The following PDXP variants were observed in gnomAD, a reference collection of about 807,000 sequenced individuals.
PDXP encodes chronophin.
PDXP carries 15 observed loss-of-function variants against 14.4 expected under a neutral mutation model. The ratio of observed to expected loss-of-function variants is 1.04; its 90% confidence interval spans 0.70 to 1.60. The LOEUF is 1.60. Ranked by LOEUF, PDXP falls within the 40% of genes most tolerant of loss-of-function variation. PDXP has a pLI of 0.00. For missense variants in PDXP, 413 were observed against 427.6 expected (o/e 0.97, Z 0.30); for synonymous variants, 233 against 205.6 (o/e 1.13, Z -1.14).
At chr22:37,664,385 G>A (rs1339963985) in intron 1 of PDXP, among the ~76,000 whole-genome samples, 1 of 152,096 alleles carries the variant, frequency 6.6e-6, no homozygotes, top group East Asian at 1.9e-4. Flanking sequence ...ATGGGCCACT[G>A]TACCCAGCCA....
intron 1 of PDXP, 73 bp downstream of exon 1, chr22:37,659,429 G>A: frequency 8.6e-7 from 1 of 1,162,560 alleles, no homozygotes; most frequent in Non-Finnish European, 1.1e-6. Flanking sequence ...AAGGGTGAGG[G>A]GCGGGGAAGA....
At chr22:37,665,257 C>T (rs1569017307) in intron 1 of PDXP, among the ~76,000 whole-genome samples, 1 of 151,960 alleles carries the variant, frequency 6.6e-6, no homozygotes, top group Non-Finnish European at 1.5e-5. Flanking sequence ...TAGCTCCACG[C>T]ATCCTCACAG....
chr22:37,661,105 C>T (rs1933193425), intron 1 of PDXP, among the ~76,000 whole-genome samples: 1 of 152,150 alleles, frequency 6.6e-6, no homozygotes, highest in South Asian at 2.1e-4. Flanking sequence ...TTAAGAGGTT[C>T]CCCAGGGCTC....
In PDXP at chr22:37,658,920, G is replaced by T; in HGVS notation, c.138G>T (p.Arg46=). The change falls in exon 1 of 2, where the codon CGG becomes CGT. Residue 46 remains arginine (R), a synonymous_variant. Transcript: ENST00000215904. ...AVPGAPELLE[R]LARAGKAALF... The stretch of plus-strand genomic sequence containing the variant: ...CGGGCGCCCCGGAGCTGCTGGAGCG[G>T]CTGGCGCGGGCCGGCAAGGCGGCTC... The T allele has an allele frequency of 8.2e-7, 1 of 1,220,362 alleles. No homozygotes were observed. The highest frequency in any genetic ancestry group is 1.0e-6 in the Non-Finnish European group (1 of 977,636). 75.6% of individuals were successfully genotyped at this position (1,220,362 alleles called of 1,614,324 possible).
Position 37,659,160 on chromosome 22 carries a change from G to A in PDXP, c.378G>A (p.Gly126=). The part of the protein sequence containing the change: ...EGLRAELRAA[G]LRLAGDPSAG... The stretch of plus-strand genomic sequence containing the variant: ...TGCGCGCCGAGCTGCGCGCCGCGGG[G>A]CTGCGCCTGGCCGGGGACCCGAGCG... Residue 126 remains glycine, a synonymous_variant, in exon 1 of 2, where the codon GGG becomes GGA. Coordinates refer to ENST00000215904, the MANE Select transcript of PDXP (RefSeq NM_020315.5). 9.2e-7 allele frequency: 1 copy of A among 1,092,846 alleles called. No individual in the cohort carries two copies. The highest frequency in any genetic ancestry group is 1.1e-6 in the Non-Finnish European group (1 of 899,932). 67.7% of individuals were successfully genotyped at this position (1,092,846 alleles called of 1,614,324 possible).
At chr22:37,662,478 G>A (rs1469483316) in intron 1 of PDXP, among the ~76,000 whole-genome samples, 3 of 152,164 alleles carry the variant, frequency 2.0e-5, no homozygotes, top group Non-Finnish European at 4.4e-5. Flanking sequence ...GGCTTCTGTG[G>A]TGTAAATACT....
intron 1 of PDXP, among the ~76,000 whole-genome samples, chr22:37,659,851 C>G (rs924421605): frequency 6.6e-6 from 1 of 152,180 alleles, no homozygotes; most frequent in African/African-American, 2.4e-5. Context: ...GCTCAGCATG[C>G]CCGGTGACGG....
intron 1 of PDXP, among the ~76,000 whole-genome samples, chr22:37,663,011 T>G (rs1200886573): frequency 7.3e-6 from 1 of 137,586 alleles, no homozygotes; most frequent in Non-Finnish European, 1.5e-5. Flanking sequence ...AAATAAAAGA[T>G]TACCATGGGC....
In PDXP at chr22:37,659,001, G is replaced by C. The variant is rs759312095; in HGVS notation, c.219G>C (p.Ala73=). ...RARPELALRF[A]RLGFGGLRAE... ...GGCCCGAGCTGGCCCTGCGCTTCGC[G>C]CGCCTCGGCTTCGGGGGGCTGCGCG... Residue 73 remains alanine, a synonymous_variant, in exon 1 of 2, where the codon GCG becomes GCC. Transcript: ENST00000215904. 1 of 1,197,148 alleles carries C rather than the reference G, an allele frequency of 8.4e-7. No individual in the cohort carries two copies. Among genetic ancestry groups the C allele is most frequent in the Non-Finnish European group, 1.0e-6 (1 of 962,356 alleles). 74.2% of individuals were successfully genotyped at this position (1,197,148 alleles called of 1,614,324 possible). A position where few individuals can be genotyped will look rare whatever the true frequency, so the allele number is the denominator to read the frequency against.
chr22:37,663,919 CTTTTTTTTTT>C (rs11335821), intron 1 of PDXP, among the ~76,000 whole-genome samples: 32,769 of 99,684 alleles, frequency 0.33, 3,372 homozygotes, highest in Middle Eastern at 0.4. Context: ...AATACGTTGA[CTTTTTTTTTT>C]TTTTTTTTTT....
At chr22:37,659,650 A>T (rs1250053129) in intron 1 of PDXP, among the ~76,000 whole-genome samples, 2 of 152,120 alleles carry the variant, frequency 1.3e-5, no homozygotes, top group Non-Finnish European at 2.9e-5. Flanking sequence ...TTGGAGAGGA[A>T]GCCTGGGAGG....
At position 37,665,939 on chromosome 22, in the gene PDXP, G is replaced by A. The variant is rs1028939164; in HGVS notation, c.*68G>A. ...CTGATCCCGTAGGTGGAGGCGATGGGTCACGAGCCATGTTAAGCACAACCG... is the reference window on the plus strand; with the variant it reads ...CTGATCCCGTAGGTGGAGGCGATGGATCACGAGCCATGTTAAGCACAACCG... On this transcript the variant is annotated 3_prime_UTR_variant, in exon 2 of 2. Transcript: ENST00000215904. 4.2e-5 allele frequency: 61 copies of A among 1,461,568 alleles called. No homozygotes were observed. Among genetic ancestry groups the A allele is most frequent in the Admixed American group, 5.6e-5 (3 of 53,318 alleles). 90.5% of individuals were successfully genotyped at this position (1,461,568 alleles called of 1,614,324 possible). A position where few individuals can be genotyped will look rare whatever the true frequency, so the allele number is the denominator to read the frequency against.
At chr22:37,661,466 G>A (rs935462033) in intron 1 of PDXP, among the ~76,000 whole-genome samples, 3 of 152,122 alleles carry the variant, frequency 2.0e-5, no homozygotes, top group Non-Finnish European at 4.4e-5. Context: ...AGGGACCTCC[G>A]AAATTGTGTG....
At chr22:37,665,108 G>A (rs80046278) in intron 1 of PDXP, 12,869 of 198,676 alleles carry the variant, frequency 0.065, 597 homozygotes, top group Non-Finnish European at 0.092. Context: ...TTGGAGGTAG[G>A]CATTACTTGG....
chr22:37,660,883 C>T (rs908712448), intron 1 of PDXP, among the ~76,000 whole-genome samples: 1 of 152,132 alleles, frequency 6.6e-6, no homozygotes. Context: ...TATGGCATGG[C>T]AGAGAGGGAT....
intron 1 of PDXP, among the ~76,000 whole-genome samples, chr22:37,660,052 C>T (rs1282220546): frequency 2.6e-5 from 4 of 152,156 alleles, no homozygotes; most frequent in Non-Finnish European, 5.9e-5. Flanking sequence ...GATGCAGTGG[C>T]AACAGCCTGT....
chr22:37,662,430 A>G lies in PDXP; in HGVS notation c.574+3074A>G, dbSNP rs146084898. The stretch of plus-strand genomic sequence containing the variant: ...TCAGACCAGTGGTGCGCTGAGAAAC[A>G]TGGAATAGCAGGGAAAGCCATGATT... On this transcript the variant is annotated intron_variant, in intron 1 of 1. Transcript: ENST00000215904. 6.8e-3 allele frequency among the ~76,000 whole-genome samples: 1,033 copies of G among 152,296 alleles called. 14 individuals carry two copies. Among genetic ancestry groups the G allele is most frequent in the African/African-American group, 0.023 (948 of 41,556 alleles).
chr22:37,660,634 C>A (rs890463254), intron 1 of PDXP, among the ~76,000 whole-genome samples: 1 of 152,178 alleles, frequency 6.6e-6, no homozygotes, highest in African/African-American at 2.4e-5. Flanking sequence ...GTTAATAGCC[C>A]AGTCAGTATA....
chr22:37,664,729 T>C (rs1387745810), intron 1 of PDXP, among the ~76,000 whole-genome samples: 1 of 152,198 alleles, frequency 6.6e-6, no homozygotes, highest in African/African-American at 2.4e-5. Flanking sequence ...ACAGGCACAG[T>C]GGACTTATTG....
Sources: allele counts gnomAD v4.1 joint callset (sites outside exome capture counted in the v4.1 genomes callset), GRCh38; gene constraint gnomAD v4.1.1; transcripts MANE v1.5; gene names NCBI Gene and HGNC (gene_info 2026-07-23, HGNC 2026-07-21).